PLCG1: variants seen among roughly 807,000 people sequenced by gnomAD.
PLCG1 encodes the protein 1-phosphatidylinositol 4,5-bisphosphate phosphodiesterase gamma-1.
Under a neutral mutation model 177.8 loss-of-function variants are expected in PLCG1, and 71 were observed. The ratio of observed to expected loss-of-function variants is 0.40; its 90% CI spans 0.33 to 0.49. PLCG1 has a LOEUF of 0.49. Among genes scored for constraint, PLCG1 ranks in the 20% least tolerant of loss-of-function variants. The pLI is 0.72. For synonymous variants in PLCG1, 658 were observed against 647.9 expected, an observed-to-expected ratio of 1.02 and a Z score of -0.24; for missense variants, 1,281 against 1,709.0, an observed-to-expected ratio of 0.75 and a Z score of 4.42.
Position 41,173,303 on chromosome 20 carries a change from CG to C in PLCG1, c.3280-112del. 4.7e-6 allele frequency: 5 copies of C among 1,069,304 alleles called. No individual in the cohort carries two copies. Among genetic ancestry groups the C allele is most frequent in the Non-Finnish European group, 5.3e-6 (4 of 752,492 alleles). The allele number at this position is 1,069,304 out of a possible 1,614,324, so 66.2% of individuals were successfully genotyped here. On this transcript the variant is annotated intron_variant, in intron 27 of 31. Coordinates refer to ENST00000685551, the MANE Select transcript of PLCG1 (RefSeq NM_002660.3). The surrounding 1 kb of genome is among the most constrained non-coding windows in gnomAD (Gnocchi z 6.2). The stretch of plus-strand genomic sequence containing the variant: ...GTGAGGGACTCCATGGGCAGTGTCC[CG>C]GGGGCCCAGCAGAGGGCGCGCTGCC...
rs6102293 is a variant in PLCG1 at position 41,157,587 on chromosome 20, G to C, written c.218-2019G>C. Among the ~76,000 whole-genome samples, 1 of 152,158 alleles carries C rather than the reference G, an allele frequency of 6.6e-6. No homozygotes were observed. The highest frequency in any genetic ancestry group is 2.4e-5 in the African/African-American group (1 of 41,430). On this transcript the variant is annotated intron_variant, in intron 1 of 31. Transcript: ENST00000685551. The surrounding 1 kb of genome is among the most constrained non-coding windows in gnomAD (Gnocchi z 5.4). ...CCTGGAGGGGCCCTGCCTGGCCTTAGGTATGTGAGCATGTATGTACGTGTT... is the reference window on the plus strand; with the variant it reads ...CCTGGAGGGGCCCTGCCTGGCCTTACGTATGTGAGCATGTATGTACGTGTT...
chr20:41,161,658 C>T (rs992700255), intron 4 of PLCG1, among the ~76,000 whole-genome samples: 7 of 152,076 alleles, frequency 4.6e-5, no homozygotes, highest in African/African-American at 1.4e-4. Context: ...TCAGCCCCCT[C>T]GGGGAATTTT....
intron 1 of PLCG1, among the ~76,000 whole-genome samples, chr20:41,149,238 T>C (rs1344645305): frequency 1.3e-5 from 2 of 152,244 alleles, no homozygotes; most frequent in Non-Finnish European, 2.9e-5. Context: ...ATAATACTCA[T>C]ATCTAATTTT....
chr20:41,148,638 G>A lies in PLCG1; in HGVS notation c.217+10780G>A, dbSNP rs562910970. On this transcript the variant is annotated intron_variant, in intron 1 of 31. Coordinates refer to ENST00000685551, the MANE Select transcript of PLCG1 (RefSeq NM_002660.3). The surrounding 1 kb of genome is among the most constrained non-coding windows in gnomAD (Gnocchi z 4.3). ...TTATTAAGTTCCTGGTAGGCATGGAGCATTGAAGATGGCAGACATGGTGCA... is the reference window on the plus strand; with the variant it reads ...TTATTAAGTTCCTGGTAGGCATGGAACATTGAAGATGGCAGACATGGTGCA... 6.6e-6 allele frequency among the ~76,000 whole-genome samples: 1 copy of A among 152,320 alleles called. No individual in the cohort carries two copies. The highest frequency in any genetic ancestry group is 1.9e-4 in the East Asian group (1 of 5,190).
chr20:41,168,895 A>G (rs1390617837), intron 21 of PLCG1, 25 bp downstream of exon 21: 3 of 1,504,178 alleles, frequency 2.0e-6, no homozygotes, highest in Middle Eastern at 2.3e-4. Context: ...TGGTAGGCCC[A>G]GAGTCCAAGG....
chr20:41,169,945 G>A (rs902738121), intron 23 of PLCG1, among the ~76,000 whole-genome samples, 167 bp from the exon 24 acceptor site: 8 of 152,156 alleles, frequency 5.3e-5, no homozygotes, highest in Admixed American at 1.3e-4. Flanking sequence ...GAGTTGTAGC[G>A]TCGTCATCTG....
intron 1 of PLCG1, among the ~76,000 whole-genome samples, chr20:41,141,234 G>T (rs2034815425): frequency 6.6e-6 from 1 of 152,224 alleles, no homozygotes; most frequent in African/African-American, 2.4e-5. Context: ...GGGGACTTCT[G>T]AGGCCCCAGG....
At position 41,166,846 on chromosome 20, in the gene PLCG1, A is replaced by G; in HGVS notation, c.2288A>G (p.Lys763Arg). Residue 763 changes from lysine (K) to arginine (R), a missense_variant, in exon 19 of 32, where the codon AAG (lysine) becomes AGG (arginine). Lys to Arg is a conservative substitution (Grantham distance 26). Transcript: ENST00000685551. This position sits in a 1 kb window ranked among gnomAD's most constrained non-coding sequence, Gnocchi z 8.6. ...CCCATCAACGAGGAGGCACTGGAGAAGATTGGCACAGCTGTGAGGGGGCTG... is the reference window on the plus strand; with the variant it reads ...CCCATCAACGAGGAGGCACTGGAGAGGATTGGCACAGCTGTGAGGGGGCTG... ...RYPINEEALE[K>R]IGTAEPDYGA... 1 of 1,614,048 alleles carries G rather than the reference A, an allele frequency of 6.2e-7. No individual in the cohort carries two copies. The highest frequency in any genetic ancestry group is 1.7e-5 in the Admixed American group (1 of 60,022).
chr20:41,169,772 G>A, intron 23 of PLCG1: 1 of 577,154 alleles, frequency 1.7e-6, no homozygotes, highest in Non-Finnish European at 3.1e-6. Flanking sequence ...GAACAAAGTT[G>A]ATGCTGCTGG....
chr20:41,171,798 G>C (rs1007035628), intron 24 of PLCG1, among the ~76,000 whole-genome samples: 1 of 152,124 alleles, frequency 6.6e-6, no homozygotes, highest in Non-Finnish European at 1.5e-5. Context: ...CCCCAGTGCA[G>C]TCACAGGTAA....
Position 41,172,554 on chromosome 20 carries a change from C to T in PLCG1, c.3039C>T (p.Pro1013=), listed in dbSNP as rs1293081415. 1 of 1,614,220 alleles carries T rather than the reference C, an allele frequency of 6.2e-7. No homozygotes were observed. Among genetic ancestry groups the T allele is most frequent in the African/African-American group, 1.3e-5 (1 of 75,060 alleles). The stretch of plus-strand genomic sequence containing the variant: ...GACTGCAGCTCTCCCGCATCTACCC[C>T]AAGGGCCAGCGACTGGATTCCTCCA... ...YNRLQLSRIY[P]KGQRLDSSNY... Residue 1013 remains proline (P), a synonymous_variant, in exon 26 of 32, where the codon CCC becomes CCT. Coordinates refer to ENST00000685551, the MANE Select transcript of PLCG1 (RefSeq NM_002660.3). This position sits in a 1 kb window ranked among gnomAD's most constrained non-coding sequence, Gnocchi z 7.0.
intron 6 of PLCG1, 74 bp from the exon 7 acceptor site, chr20:41,162,884 C>A: frequency 6.9e-7 from 1 of 1,459,848 alleles, no homozygotes; most frequent in Non-Finnish European, 9.6e-7. Flanking sequence ...GCTGCTCTAG[C>A]CTGCCTTCTT....
chr20:41,149,557 TGAA>T (rs1177027435), intron 1 of PLCG1, among the ~76,000 whole-genome samples: 1 of 152,164 alleles, frequency 6.6e-6, no homozygotes, highest in Non-Finnish European at 1.5e-5. Context: ...CGTTTTGAGA[TGAA>T]GAGTGGGGAT....
rs1377253736 is a variant in PLCG1 at position 41,148,550 on chromosome 20, A to G, written c.217+10692A>G. ...GGAGGGCCTCATTTATCTAGTGAGC[A>G]GGAACAGGTTATATAGCAGTGATGC... is the stretch of plus-strand genomic sequence containing the variant. On this transcript the variant is annotated intron_variant, in intron 1 of 31. Coordinates refer to ENST00000685551, the MANE Select transcript of PLCG1 (RefSeq NM_002660.3). This position sits in a 1 kb window ranked among gnomAD's most constrained non-coding sequence, Gnocchi z 4.3. 1.3e-5 allele frequency among the ~76,000 whole-genome samples: 2 copies of G among 152,302 alleles called. No individual in the cohort carries two copies. Among genetic ancestry groups the G allele is most frequent in the Non-Finnish European group, 1.5e-5 (1 of 68,026 alleles).
rs2035692935 is a variant in PLCG1, at chr20:41,166,342, G to A, written c.1948G>A (p.Glu650Lys). The A allele has an allele frequency of 6.2e-7, 1 of 1,614,182 alleles. No individual in the cohort carries two copies. The highest frequency in any genetic ancestry group is 8.5e-7 in the Non-Finnish European group (1 of 1,180,050). Residue 650 changes from glutamate (E) to lysine (K), a missense_variant, in exon 17 of 32, where the codon GAG becomes AAG. Around this residue, in one of 4 missense-constraint regions of PLCG1, gnomAD observed 723 missense variants for 1,030.0 expected, o/e 0.70. Coordinates refer to ENST00000685551, the MANE Select transcript of PLCG1 (RefSeq NM_002660.3). This position sits in a 1 kb window ranked among gnomAD's most constrained non-coding sequence, Gnocchi z 8.6. ...QQVPLRCNEFEMRLSEPVPQT... is the reference protein window; with the variant it reads ...QQVPLRCNEFKMRLSEPVPQT... Reference sequence around the variant, plus strand: ...GGTGCCCCTGCGCTGTAATGAGTTTGAGATGCGACTTTCAGAGCCTGTCCC... The same window carrying A: ...GGTGCCCCTGCGCTGTAATGAGTTTAAGATGCGACTTTCAGAGCCTGTCCC...
rs749051764 is a variant in PLCG1 at position 41,168,763 on chromosome 20, G to A, written c.2380-4G>A. The A allele has an allele frequency of 6.3e-7, 1 of 1,583,570 alleles. No homozygotes were observed. The highest frequency in any genetic ancestry group is 2.2e-5 in the East Asian group (1 of 44,728). Reference sequence around the variant, plus strand: ...GCTCTGACTGGTGCTTCTCACCTCTGCAGTGTGCAGTCAAAGCCCTCTTTG... The same window carrying A: ...GCTCTGACTGGTGCTTCTCACCTCTACAGTGTGCAGTCAAAGCCCTCTTTG... On this transcript the variant is annotated splice_region_variant and splice_polypyrimidine_tract_variant and intron_variant, in intron 20 of 31. Transcript: ENST00000685551.
In PLCG1 at chr20:41,163,053, G is replaced by T; in HGVS notation, c.716+61G>T. On this transcript the variant is annotated intron_variant, in intron 7 of 31. Coordinates refer to ENST00000685551, the MANE Select transcript of PLCG1 (RefSeq NM_002660.3). The surrounding 1 kb of genome is among the most constrained non-coding windows in gnomAD (Gnocchi z 5.2). ...GGCCCCCTTCATCTCTCCACTGGGC[G>T]ATTCTTGATCCAGGTGGGAGGCAGT... 6.4e-7 allele frequency: 1 copy of T among 1,560,932 alleles called. No homozygotes were observed. Among genetic ancestry groups the T allele is most frequent in the East Asian group, 2.2e-5 (1 of 44,632 alleles).
chr20:41,168,925 C>T (rs917978358), intron 21 of PLCG1, 55 bp downstream of exon 21: 13 of 1,296,240 alleles, frequency 1.0e-5, no homozygotes, highest in Non-Finnish European at 1.5e-5. Context: ...GAGCTGGGGC[C>T]CCAAAGACAT....
Position 41,163,447 on chromosome 20 carries a change from G to T in PLCG1, c.859G>T (p.Glu287Ter). The T allele has an allele frequency of 6.2e-7, 1 of 1,612,366 alleles. No individual in the cohort carries two copies. ...MLSFLRDPLREIEEPYFFLDE... is the reference protein window; with the variant it reads ...MLSFLRDPLR ...CAGCTTCCTCCGAGACCCCTTACGA[G>T]AGATCGAGGAGCCATACTTCTTCCT... is the stretch of plus-strand genomic sequence containing the variant. The change falls in exon 9 of 32, where the codon GAG (glutamate) becomes TAG (stop). Residue 287 changes from glutamate (E) to a stop codon, truncating the protein, a stop_gained. Coordinates refer to ENST00000685551, the MANE Select transcript of PLCG1 (RefSeq NM_002660.3). LOFTEE classifies it high-confidence loss of function. The surrounding 1 kb of genome is among the most constrained non-coding windows in gnomAD (Gnocchi z 5.2).
Sources: gnomAD v4.1 joint callset for allele counts (sites outside exome capture counted in the v4.1 genomes callset) on GRCh38, gnomAD v4.1.1 for gene constraint, gnomAD v4.1.1 regional missense constraint, Gnocchi (gnomAD v3.1) non-coding constraint, MANE v1.5 for transcripts, NCBI Gene and HGNC (gene_info 2026-07-23, HGNC 2026-07-21) for gene names.